Variants in FAM135B observed in about 807,000 individuals in gnomAD.
FAM135B encodes the protein protein FAM135B.
FAM135B carries 43 observed loss-of-function variants against 127.7 expected under a neutral mutation model. That is an observed-to-expected ratio of 0.34 (90% CI 0.26 to 0.43). The LOEUF (loss-of-function observed/expected upper bound fraction) is 0.43, where lower values mean the gene tolerates loss of function less well. Ranked by LOEUF, FAM135B falls within the 20% of genes least tolerant of loss-of-function variation. The pLI, the probability that FAM135B is intolerant of heterozygous loss-of-function variation, is 1.00. For synonymous variants in FAM135B, 670 were observed against 665.1 expected (o/e 1.01, Z -0.11); for missense variants, 1,558 against 1,725.6 (o/e 0.90, Z 1.72).
intron 3 of FAM135B, among the ~76,000 whole-genome samples, chr8:138,294,212 T>A (rs1027719336): frequency 5.3e-5 from 8 of 152,038 alleles, no homozygotes; most frequent in African/African-American, 1.9e-4. Context: ...AGGTATGCAG[T>A]GTGGTATAAT....
chr8:138,346,690 AT>A (rs1829431981), intron 2 of FAM135B, among the ~76,000 whole-genome samples: 1 of 152,128 alleles, frequency 6.6e-6, no homozygotes, highest in African/African-American at 2.4e-5. Flanking sequence ...GACGGGGAGA[AT>A]ATCAGGAAGA....
At chr8:138,312,582 AAG>A (rs1483498350) in intron 2 of FAM135B, among the ~76,000 whole-genome samples, 1 of 152,230 alleles carries the variant, frequency 6.6e-6, no homozygotes, top group Non-Finnish European at 1.5e-5. Context: ...AAGGATCAGG[AAG>A]AGAACAGCCT....
Position 138,242,453 on chromosome 8 carries a change from A to G in FAM135B, c.669+489T>C, listed in dbSNP as rs1353303277. Among the ~76,000 whole-genome samples the G allele has an allele frequency of 6.6e-6, 1 of 152,082 alleles. No individual in the cohort carries two copies. The highest frequency in any genetic ancestry group is 1.5e-5 in the Non-Finnish European group (1 of 68,020). On this transcript the variant is annotated intron_variant, in intron 7 of 19. Coordinates refer to ENST00000395297, the MANE Select transcript of FAM135B (RefSeq NM_015912.4). The surrounding 1 kb of genome is among the most constrained non-coding windows in gnomAD (Gnocchi z 9.6). ...CATATTTAGTTAGCAGCTAGTGAGT[A>G]TTGGATACCGGGCTAGGAACTTTAC...
At chr8:138,197,733 G>A (rs928469592) in intron 7 of FAM135B, 64 bp from the exon 8 acceptor site, 1 of 1,548,130 alleles carries the variant, frequency 6.5e-7, no homozygotes, top group Non-Finnish European at 8.8e-7. Context: ...GCACAGGGCT[G>A]TGATGCTCCA....
chr8:138,183,846 T>C (rs1165583643), intron 9 of FAM135B, among the ~76,000 whole-genome samples: 1 of 152,232 alleles, frequency 6.6e-6, no homozygotes. Context: ...CCTGGTGCTA[T>C]TTGGAGACAC....
chr8:138,350,312 A>G (rs928829260), intron 2 of FAM135B, among the ~76,000 whole-genome samples: 1 of 152,216 alleles, frequency 6.6e-6, no homozygotes, highest in African/African-American at 2.4e-5. Context: ...GTTATTCAAA[A>G]GGAGGCCAAT....
intron 3 of FAM135B, among the ~76,000 whole-genome samples, chr8:138,269,872 C>T (rs1278996356): frequency 2.6e-5 from 4 of 152,112 alleles, no homozygotes; most frequent in East Asian, 1.9e-4. Context: ...AAGATGACAA[C>T]GATTAAGACT....
Position 138,489,902 on chromosome 8 carries a change from G to A in FAM135B, c.-20+6769C>T, listed in dbSNP as rs373519983. On this transcript the variant is annotated intron_variant, in intron 1 of 19. Transcript: ENST00000395297. ...TACCTCTTCCTCCAGGAAGCCCCTC[G>A]TGGCATTCCCAAGTGGGGTTAGGTG... 2.4e-4 allele frequency among the ~76,000 whole-genome samples: 37 copies of A among 152,152 alleles called. No individual in the cohort carries two copies. In the South Asian group the frequency reaches 2.7e-3, roughly 11 times the overall value.
chr8:138,351,010 G>T (rs1320789762), intron 2 of FAM135B, among the ~76,000 whole-genome samples: 1 of 152,136 alleles, frequency 6.6e-6, no homozygotes, highest in African/African-American at 2.4e-5. Context: ...CATGGTCTTA[G>T]CCCTGAAAGT....
intron 1 of FAM135B, among the ~76,000 whole-genome samples, chr8:138,455,472 T>C (rs1365984788): frequency 6.6e-6 from 1 of 152,202 alleles, no homozygotes; most frequent in Non-Finnish European, 1.5e-5. Context: ...AACAATATCA[T>C]AATAATTATA....
At chr8:138,449,571 C>G (rs1168988099) in intron 1 of FAM135B, among the ~76,000 whole-genome samples, 1 of 152,168 alleles carries the variant, frequency 6.6e-6, no homozygotes, top group Non-Finnish European at 1.5e-5. Flanking sequence ...AGGCCAAGAC[C>G]AACTTCAGGA....
intron 2 of FAM135B, 145 bp downstream of exon 2, chr8:138,367,762 T>C (rs1830842075): frequency 1.5e-6 from 1 of 656,340 alleles, no homozygotes; most frequent in Non-Finnish European, 2.6e-6. Context: ...ATTTTTGACT[T>C]GGCAAGAAAA....
intron 2 of FAM135B, among the ~76,000 whole-genome samples, chr8:138,318,687 C>T (rs552850004): frequency 1.8e-4 from 27 of 152,292 alleles, no homozygotes; most frequent in African/African-American, 5.5e-4. Flanking sequence ...TGTATAGCTA[C>T]GTCTCTTTTA....
chr8:138,242,180 T>C lies in FAM135B; in HGVS notation c.669+762A>G, dbSNP rs1820853106. 8.4e-6 allele frequency among the ~76,000 whole-genome samples: 1 copy of C among 119,102 alleles called. No homozygotes were observed. Among genetic ancestry groups the C allele is most frequent in the African/African-American group, 3.1e-5 (1 of 32,462 alleles). The allele number at this position is 119,102 out of a possible 152,430, so 78.1% of individuals were successfully genotyped here. ...ATAAATCTCTTTGTGTGTGTGTGTG[T>C]GTGTGTGTGTGTGTGTGTGTGTGTG... is the stretch of plus-strand genomic sequence containing the variant. On this transcript the variant is annotated intron_variant, in intron 7 of 19. Coordinates refer to ENST00000395297, the MANE Select transcript of FAM135B (RefSeq NM_015912.4). The surrounding 1 kb of genome is among the most constrained non-coding windows in gnomAD (Gnocchi z 9.6).
intron 2 of FAM135B, among the ~76,000 whole-genome samples, chr8:138,359,776 G>A (rs898768292): frequency 6.6e-6 from 1 of 152,166 alleles, no homozygotes; most frequent in South Asian, 2.1e-4. Context: ...ACTTCACAGG[G>A]GAGCTGGATG....
intron 2 of FAM135B, among the ~76,000 whole-genome samples, chr8:138,331,762 T>C (rs1267236232): frequency 6.6e-6 from 1 of 152,188 alleles, no homozygotes; most frequent in Non-Finnish European, 1.5e-5. Flanking sequence ...TATAACAGGC[T>C]AAATAAAGTT....
At chr8:138,361,406 G>A (rs1056146163) in intron 2 of FAM135B, among the ~76,000 whole-genome samples, 4 of 152,146 alleles carry the variant, frequency 2.6e-5, no homozygotes, top group Non-Finnish European at 1.5e-5. Context: ...AGAAGAAACA[G>A]GAAGTTCAAT....
At chr8:138,252,313 G>C (rs1040192656) in intron 5 of FAM135B, among the ~76,000 whole-genome samples, 1 of 152,194 alleles carries the variant, frequency 6.6e-6, no homozygotes, top group Non-Finnish European at 1.5e-5. Flanking sequence ...GCCAACAAGA[G>C]TTAATCAAAG....
rs545400979 is a variant in FAM135B, at chr8:138,378,674, A to T, written c.-19-10672T>A. ...TGCAGCCCCAGGCATTCACCCCCTT[A>T]ATGTTGAAAAGTATTTTCTTTCCTT... On this transcript the variant is annotated intron_variant, in intron 1 of 19. Transcript: ENST00000395297. Among the ~76,000 whole-genome samples, 75 of 152,044 alleles carry T rather than the reference A, an allele frequency of 4.9e-4. No homozygotes were observed. The South Asian group carries it at 9.2e-3, about 19-fold the overall frequency.
Sources: allele counts gnomAD v4.1 joint callset (sites outside exome capture counted in the v4.1 genomes callset), GRCh38; gene constraint gnomAD v4.1.1; non-coding constraint Gnocchi (gnomAD v3.1); transcripts MANE v1.5; gene names NCBI Gene and HGNC (gene_info 2026-07-23, HGNC 2026-07-21).